The following MAP9 variants were observed in gnomAD, a reference collection of about 807,000 sequenced individuals.
MAP9 encodes microtubule-associated protein 9.
A neutral mutation model predicts 75.2 loss-of-function variants in MAP9; 80 were observed. The observed-to-expected ratio is 1.06, with a 90% CI of 0.89 to 1.28. The LOEUF is 1.28. Among genes scored for constraint, MAP9 ranks in the 50% most tolerant of loss-of-function variants. MAP9 has a pLI of 0.00. For missense variants in MAP9, 753 were observed against 719.9 expected, an observed-to-expected ratio of 1.05 and a Z score of -0.53; for synonymous variants, 235 against 237.3, an observed-to-expected ratio of 0.99 and a Z score of 0.09.
At chr4:155,355,647 T>C (rs1337148413) in intron 9 of MAP9, 69 bp downstream of exon 9, 2 of 1,210,978 alleles carry the variant, frequency 1.7e-6, no homozygotes, top group Non-Finnish European at 2.3e-6. Flanking sequence ...ATTACTTTAT[T>C]CTTTATAAAC....
rs1732440902 is a variant in MAP9, at chr4:155,368,655, GGAA to G, written c.636_638del (p.Ser213del). 5 of 1,614,164 alleles carry G rather than the reference GGAA, an allele frequency of 3.1e-6. No individual in the cohort carries two copies. The African/African-American group carries it at 4.0e-5, about 13-fold the overall frequency. The stretch of plus-strand genomic sequence containing the variant: ...ATTGTATGCCATTCGGCGTTGGAAG[GGAA>G]GAAGGTGCAGAATGTAACTCCAATT... On this transcript the variant is annotated inframe_deletion, in exon 5 of 14. Transcript: ENST00000311277.
chr4:155,370,763 C>T (rs551904475), intron 4 of MAP9, among the ~76,000 whole-genome samples: 4 of 152,132 alleles, frequency 2.6e-5, no homozygotes, highest in Non-Finnish European at 5.9e-5. Context: ...CTAGAACTTA[C>T]GCATCCCGCA....
At position 155,355,149 on chromosome 4, in the gene MAP9, T is replaced by C; in HGVS notation, c.1302A>G (p.Glu434=). 1.6e-6 allele frequency: 2 copies of C among 1,250,206 alleles called. No homozygotes were observed. Among genetic ancestry groups the C allele is most frequent in the East Asian group, 5.5e-5 (2 of 36,290 alleles). The allele number at this position is 1,250,206 out of a possible 1,614,324, so 77.4% of individuals were successfully genotyped here. ...TTTCATGTAAATACACATTTTTCTT[T>C]TCTAACCACTCCTATAAGAACAAGA... The part of the protein sequence containing the change: ...IRAAVYQEWL[E]KKNVYLHEMH... Residue 434 remains glutamate, a synonymous_variant, in exon 10 of 14, where the codon GAA becomes GAG. Coordinates refer to ENST00000311277, the MANE Select transcript of MAP9 (RefSeq NM_001039580.2).
chr4:155,372,862 A>G (rs936575981), intron 4 of MAP9: 3 of 242,888 alleles, frequency 1.2e-5, no homozygotes, highest in Non-Finnish European at 2.3e-5. Flanking sequence ...GATGCTATGG[A>G]TGACTAAAGG....
At position 155,360,186 on chromosome 4, in the gene MAP9, A is replaced by C; in HGVS notation, c.1032T>G (p.Ser344Arg). 6.2e-7 allele frequency: 1 copy of C among 1,611,556 alleles called. No individual in the cohort carries two copies. The highest frequency in any genetic ancestry group is 1.1e-5 in the South Asian group (1 of 90,964). Residue 344 changes from serine (S) to arginine (R), a missense_variant, in exon 7 of 14, where the codon AGT (serine) becomes AGG (arginine). By Grantham distance (110) the Ser-to-Arg change is moderately radical (BLOSUM62 -1). Coordinates refer to ENST00000311277, the MANE Select transcript of MAP9 (RefSeq NM_001039580.2). ...SKSQSILIST[S>R]ATASSKKTIE... is the part of the protein sequence containing the mutation. ...CAAATACCTTTGAAGATGCTGTTGC[A>C]CTGGTAGATATTAAGATACTCTGAG...
intron 5 of MAP9, among the ~76,000 whole-genome samples, chr4:155,365,129 A>T (rs1234003124): frequency 6.6e-6 from 1 of 152,060 alleles, no homozygotes; most frequent in Non-Finnish European, 1.5e-5. Flanking sequence ...TTAATAAAAA[A>T]GTGACACCAA....
At position 155,343,149 on chromosome 4, in the gene MAP9, T is replaced by C. The variant is rs1257024109; in HGVS notation, c.*4634A>G. ...CATTCTTATTTCAAATAATAAAAAA[T>C]ATGTGTATGTTTGAAAATATGCACA... On this transcript the variant is annotated 3_prime_UTR_variant, in exon 14 of 14. Transcript: ENST00000311277. 2 of 151,562 alleles carry C rather than the reference T, an allele frequency of 1.3e-5. No homozygotes were observed. The highest frequency in any genetic ancestry group is 6.6e-5 in the Admixed American group (1 of 15,184). The allele number at this position is 151,562 out of a possible 1,614,324, so 9.4% of individuals were successfully genotyped here. A position where few individuals can be genotyped will look rare whatever the true frequency, so the allele number is the denominator to read the frequency against.
intron 9 of MAP9, 148 bp downstream of exon 9, chr4:155,355,568 A>T (rs1731739465): frequency 1.8e-6 from 1 of 569,172 alleles, no homozygotes; most frequent in African/African-American, 2.1e-5. Context: ...GTAAAATATG[A>T]TTACTCATGT....
At position 155,343,471 on chromosome 4, in the gene MAP9, AATTAT is replaced by A. The variant is rs902253581; in HGVS notation, c.*4307_*4311del. 5 of 151,514 alleles carry A rather than the reference AATTAT, an allele frequency of 3.3e-5. No individual in the cohort carries two copies. Among genetic ancestry groups the A allele is most frequent in the Admixed American group, 6.6e-5 (1 of 15,190 alleles). The allele number at this position is 151,514 out of a possible 1,614,324, so 9.4% of individuals were successfully genotyped here. ...TTTTCTAATTATTTAATAATTATAT[AATTAT>A]ATTATCTCTCTCTGTAATTTGTGTA... On this transcript the variant is annotated 3_prime_UTR_variant, in exon 14 of 14. Transcript: ENST00000311277.
At position 155,376,755 on chromosome 4, in the gene MAP9, G is replaced by A. The variant is rs970375380; in HGVS notation, c.-65+16C>T. On this transcript the variant is annotated intron_variant, in intron 1 of 13. Transcript: ENST00000311277. ...CCTGAGAATCAAGAGCCAAGCATCG[G>A]GTAGGAGCTGCTCACCTTGGTCTGG... 7 of 153,052 alleles carry A rather than the reference G, an allele frequency of 4.6e-5. No homozygotes were observed. Among genetic ancestry groups the A allele is most frequent in the African/African-American group, 1.7e-4 (7 of 41,478 alleles). The allele number at this position is 153,052 out of a possible 1,614,324, so 9.5% of individuals were successfully genotyped here.
intron 4 of MAP9, among the ~76,000 whole-genome samples, chr4:155,369,365 A>C (rs113913468): frequency 0.037 from 5,604 of 151,446 alleles, 335 homozygotes; most frequent in African/African-American, 0.12. Flanking sequence ...ACAACAACAA[A>C]AAAAAAACAA....
At chr4:155,353,382 A>C in intron 10 of MAP9, 42 bp from the exon 11 acceptor site, 1 of 1,397,830 alleles carries the variant, frequency 7.2e-7, no homozygotes, top group South Asian at 1.8e-5. Context: ...ATATATATGT[A>C]TATATACATA....
intron 7 of MAP9, among the ~76,000 whole-genome samples, chr4:155,358,878 T>C (rs997082658): frequency 1.3e-5 from 2 of 152,142 alleles, no homozygotes; most frequent in Non-Finnish European, 2.9e-5. Flanking sequence ...AGATATATTA[T>C]ACTAGTCAGA....
Position 155,360,301 on chromosome 4 carries a change from T to G in MAP9, c.917A>C (p.Gln306Pro). Residue 306 changes from glutamine (Q) to proline (P), a missense_variant, in exon 7 of 14, where the codon CAA (glutamine) becomes CCA (proline). Gln to Pro is a moderately conservative substitution (Grantham distance 76). Transcript: ENST00000311277. ...TTAVEKSKES[Q>P]VTADDLEEEK... ...TTCTTCAAGGTCATCAGCAGTCACT[T>G]GACTTTCCTTGGATTTCTCAACTGC... 1 of 1,613,300 alleles carries G rather than the reference T, an allele frequency of 6.2e-7. No homozygotes were observed. The highest frequency in any genetic ancestry group is 8.5e-7 in the Non-Finnish European group (1 of 1,179,460).
chr4:155,359,965 G>A (rs1731994352), intron 7 of MAP9, among the ~76,000 whole-genome samples: 1 of 151,800 alleles, frequency 6.6e-6, no homozygotes, highest in African/African-American at 2.4e-5. Flanking sequence ...TTAAACACTG[G>A]GTTTCATTAT....
rs547759559 is a variant in MAP9, at chr4:155,361,914, TAGTC to T, written c.802+130_802+133del. 1,060 of 582,412 alleles carry T rather than the reference TAGTC, an allele frequency of 1.8e-3. 3 individuals are homozygous for T. The highest frequency in any genetic ancestry group is 2.4e-3 in the South Asian group (94 of 39,538). The allele number at this position is 582,412 out of a possible 1,614,324, so 36.1% of individuals were successfully genotyped here. A position where few individuals can be genotyped will look rare whatever the true frequency, so the allele number is the denominator to read the frequency against. On this transcript the variant is annotated intron_variant, in intron 6 of 13. Coordinates refer to ENST00000311277, the MANE Select transcript of MAP9 (RefSeq NM_001039580.2). Reference sequence around the variant, plus strand: ...CCAAAATCACAGTTAGTTAACTACATAGTCAGGATTAAAACTCAAACACATAAAA... The same window carrying T: ...CCAAAATCACAGTTAGTTAACTACATAGGATTAAAACTCAAACACATAAAA...
At chr4:155,374,829 A>G in intron 3 of MAP9, 108 bp downstream of exon 3, 1 of 557,634 alleles carries the variant, frequency 1.8e-6, no homozygotes, top group Non-Finnish European at 3.0e-6. Flanking sequence ...CTTAGGTATT[A>G]TTTTAACATA....
At chr4:155,369,012 C>T (rs1430545423) in intron 4 of MAP9, among the ~76,000 whole-genome samples, 200 bp from the exon 5 acceptor site, 2 of 152,172 alleles carry the variant, frequency 1.3e-5, no homozygotes, top group South Asian at 2.1e-4. Flanking sequence ...TCAGGCCGGA[C>T]GCGGTGGCTC....
intron 10 of MAP9, among the ~76,000 whole-genome samples, chr4:155,353,867 C>T (rs1042475128): frequency 6.6e-6 from 1 of 152,118 alleles, no homozygotes; most frequent in Non-Finnish European, 1.5e-5. Context: ...AAAGTATGTG[C>T]TCGACTGAAA....
Sources: gnomAD v4.1 joint callset for allele counts (sites outside exome capture counted in the v4.1 genomes callset) on GRCh38, gnomAD v4.1.1 for gene constraint, MANE v1.5 for transcripts, NCBI Gene and HGNC (gene_info 2026-07-23, HGNC 2026-07-21) for gene names.